Variants in LRP1B observed in about 807,000 individuals in gnomAD.
The protein encoded by LRP1B is low-density lipoprotein receptor-related protein 1B.
LRP1B carries 217 observed loss-of-function variants against 556.6 expected under a neutral mutation model. The observed-to-expected ratio is 0.39, with a 90% CI of 0.35 to 0.44. LRP1B has a LOEUF of 0.44. Ranked by LOEUF, LRP1B falls within the 20% of genes least tolerant of loss-of-function variation. The probability of loss-of-function intolerance (pLI) is 1.00; values close to 1 mark genes in which losing one functional copy is unlikely to be tolerated. For missense variants in LRP1B, 5,053 were observed against 5,620.8 expected, an observed-to-expected ratio of 0.90 and a Z score of 3.23; for synonymous variants, 2,047 against 1,865.8, an observed-to-expected ratio of 1.10 and a Z score of -2.50.
At chr2:141,590,580 G>C (rs1160789721) in intron 2 of LRP1B, among the ~76,000 whole-genome samples, 2 of 151,984 alleles carry the variant, frequency 1.3e-5, no homozygotes, top group Non-Finnish European at 2.9e-5. Context: ...TCTAAGATGA[G>C]CTATAAAAGA....
intron 64 of LRP1B, 53 bp downstream of exon 64, chr2:140,444,510 T>C: frequency 6.2e-7 from 1 of 1,612,268 alleles, no homozygotes; most frequent in Admixed American, 1.7e-5. Flanking sequence ...CACACAGACA[T>C]AATCAGTTGA....
At chr2:140,757,577 C>A (rs553263593) in intron 35 of LRP1B, among the ~76,000 whole-genome samples, 1 of 152,160 alleles carries the variant, frequency 6.6e-6, no homozygotes, top group African/African-American at 2.4e-5. Flanking sequence ...CCACAGTAGG[C>A]TAGTCTGTAG....
At chr2:140,531,188 T>G (rs1034989969) in intron 47 of LRP1B, among the ~76,000 whole-genome samples, 1 of 152,150 alleles carries the variant, frequency 6.6e-6, no homozygotes, top group African/African-American at 2.4e-5. Context: ...CCTTAAAATC[T>G]ATTTTCTGTA....
At chr2:141,566,378 T>C (rs1410232674) in intron 2 of LRP1B, among the ~76,000 whole-genome samples, 1 of 152,124 alleles carries the variant, frequency 6.6e-6, no homozygotes, top group Non-Finnish European at 1.5e-5. Context: ...AAAGTAGAAA[T>C]AGTGACTTTA....
intron 2 of LRP1B, among the ~76,000 whole-genome samples, chr2:141,710,892 T>C (rs1692333545): frequency 6.6e-6 from 1 of 152,196 alleles, no homozygotes; most frequent in Non-Finnish European, 1.5e-5. Flanking sequence ...TTTGTATCAA[T>C]AAAGTATCAT....
chr2:141,058,649 TA>T (rs1699252607), intron 9 of LRP1B, among the ~76,000 whole-genome samples: 5 of 151,868 alleles, frequency 3.3e-5, no homozygotes, highest in Admixed American at 1.3e-4. Context: ...TTCCTGAATC[TA>T]AATCTAGCTA....
chr2:140,986,342 G>A (rs551723247), intron 17 of LRP1B, among the ~76,000 whole-genome samples: 17 of 151,824 alleles, frequency 1.1e-4, no homozygotes, highest in South Asian at 6.2e-4. Context: ...CTCTCTCTTC[G>A]TGCACAGGTA....
chr2:141,700,337 C>T (rs1010487363), intron 2 of LRP1B, among the ~76,000 whole-genome samples: 4 of 151,674 alleles, frequency 2.6e-5, no homozygotes, highest in Admixed American at 6.6e-5. Context: ...TCTGTATTCC[C>T]AGTGCTTGGA....
intron 2 of LRP1B, among the ~76,000 whole-genome samples, chr2:141,789,228 G>A (rs1031009711): frequency 6.6e-6 from 1 of 151,916 alleles, no homozygotes; most frequent in Non-Finnish European, 1.5e-5. Context: ...TTTATAGGAG[G>A]GGGGTGTCCA....
chr2:140,530,297 C>T (rs190539762), intron 47 of LRP1B, among the ~76,000 whole-genome samples: 118 of 152,096 alleles, frequency 7.8e-4, no homozygotes, highest in Non-Finnish European at 4.6e-4. Flanking sequence ...CTCTTCATTG[C>T]ACTGACAATA....
intron 41 of LRP1B, among the ~76,000 whole-genome samples, chr2:140,644,934 T>C (rs561522531): frequency 4.3e-4 from 66 of 152,288 alleles, no homozygotes; most frequent in Non-Finnish European, 8.2e-4. Flanking sequence ...TCTTTGCATT[T>C]TTTGATTTAA....
At chr2:142,104,723 A>G (rs573314181) in intron 1 of LRP1B, among the ~76,000 whole-genome samples, 5 of 152,286 alleles carry the variant, frequency 3.3e-5, no homozygotes, top group Non-Finnish European at 5.9e-5. Flanking sequence ...GTCTCATTCC[A>G]GGAAATAGTA....
chr2:141,332,245 C>T (rs904732476), intron 3 of LRP1B, among the ~76,000 whole-genome samples: 2 of 151,976 alleles, frequency 1.3e-5, no homozygotes, highest in Non-Finnish European at 2.9e-5. Context: ...TTTTCTGAAT[C>T]TGAGTTTATC....
At chr2:140,945,763 AG>A (rs1695524619) in intron 20 of LRP1B, among the ~76,000 whole-genome samples, 1 of 152,148 alleles carries the variant, frequency 6.6e-6, no homozygotes, top group Non-Finnish European at 1.5e-5. Context: ...AAATCCTAGA[AG>A]AAAACCTAGG....
chr2:142,106,091 A>AT (rs1276648300), intron 1 of LRP1B, among the ~76,000 whole-genome samples: 5 of 152,094 alleles, frequency 3.3e-5, no homozygotes, highest in Admixed American at 3.3e-4. Flanking sequence ...CTTAGCTATG[A>AT]TTTTTCATTA....
intron 2 of LRP1B, among the ~76,000 whole-genome samples, chr2:141,559,345 C>T (rs989177057): frequency 9.9e-5 from 15 of 151,464 alleles, no homozygotes; most frequent in African/African-American, 2.7e-4. Context: ...TTATTTAGTT[C>T]GGTGGTGAAT....
intron 3 of LRP1B, among the ~76,000 whole-genome samples, chr2:141,303,680 T>A (rs1686478431): frequency 6.6e-6 from 1 of 152,216 alleles, no homozygotes. Context: ...GATAGACACT[T>A]AAGTTGATTA....
intron 1 of LRP1B, among the ~76,000 whole-genome samples, chr2:141,942,375 T>C (rs1190727964): frequency 9.4e-6 from 1 of 106,356 alleles, no homozygotes; most frequent in Non-Finnish European, 1.9e-5. Context: ...AATTATGCAT[T>C]TACTAAATCT....
chr2:140,921,214 G>C (rs571834426), intron 21 of LRP1B, among the ~76,000 whole-genome samples: 1 of 151,568 alleles, frequency 6.6e-6, no homozygotes, highest in Non-Finnish European at 1.5e-5. Context: ...ATTTATTTCT[G>C]TATAGAGAAA....
Sources: gnomAD v4.1 joint callset for allele counts (sites outside exome capture counted in the v4.1 genomes callset) on GRCh38, gnomAD v4.1.1 for gene constraint, MANE v1.5 for transcripts, NCBI Gene and HGNC (gene_info 2026-07-23, HGNC 2026-07-21) for gene names.